The following LRRC4C variants were observed in gnomAD, a reference collection of about 807,000 sequenced individuals.
LRRC4C encodes the protein leucine rich repeat containing 4C, also known as leucine-rich repeat-containing protein 4C.
A neutral mutation model predicts 33.6 loss-of-function variants in LRRC4C; 5 were observed. That is an observed-to-expected ratio of 0.15 (90% CI 0.08 to 0.31). LRRC4C has a LOEUF of 0.31. Ranked by LOEUF, LRRC4C falls within the 10% of genes least tolerant of loss-of-function variation. The probability of loss-of-function intolerance (pLI) is 1.00; values close to 1 mark genes in which losing one functional copy is unlikely to be tolerated. For missense variants in LRRC4C, 560 were observed against 796.7 expected, an observed-to-expected ratio of 0.70 and a Z score of 3.58; for synonymous variants, 329 against 302.0, an observed-to-expected ratio of 1.09 and a Z score of -0.93.
In LRRC4C at chr11:40,596,774, T is replaced by G. The variant is rs566513441; in HGVS notation, c.-270+51368A>C. 7.5e-4 allele frequency among the ~76,000 whole-genome samples: 114 copies of G among 152,314 alleles called. 1 individual carries two copies. The highest frequency in any genetic ancestry group is 1.2e-3 in the South Asian group (6 of 4,832). On this transcript the variant is annotated intron_variant, in intron 3 of 6. Coordinates refer to ENST00000528697, the MANE Select transcript of LRRC4C (RefSeq NM_001258419.2). ...ATGTCCTCCAGTTTTATCCATGTGG[T>G]TGCAAATTACAAGATTTCATTTTAT...
At chr11:41,030,871 TTTCA>T (rs1180527540) in intron 1 of LRRC4C, among the ~76,000 whole-genome samples, 1 of 151,636 alleles carries the variant, frequency 6.6e-6, no homozygotes, top group Non-Finnish European at 1.5e-5. Flanking sequence ...ACTCTAAAAC[TTTCA>T]TTATATATGA....
At chr11:40,947,167 T>C (rs1958441434) in intron 1 of LRRC4C, among the ~76,000 whole-genome samples, 1 of 152,160 alleles carries the variant, frequency 6.6e-6, no homozygotes, top group African/African-American at 2.4e-5. Context: ...GAATTATACA[T>C]CTTAATCATG....
intron 1 of LRRC4C, among the ~76,000 whole-genome samples, chr11:41,003,397 T>C (rs61887626): frequency 0.067 from 10,211 of 152,182 alleles, 449 homozygotes; most frequent in Non-Finnish European, 0.099. Flanking sequence ...CAAGATAGTA[T>C]TCATATAAAG....
chr11:40,143,181 T>C (rs190566285), intron 5 of LRRC4C, among the ~76,000 whole-genome samples: 2 of 152,210 alleles, frequency 1.3e-5, no homozygotes, highest in African/African-American at 2.4e-5. Context: ...ACACATCTAT[T>C]GCTATGTCTT....
intron 1 of LRRC4C, among the ~76,000 whole-genome samples, chr11:41,303,550 C>G (rs1323108030): frequency 1.1e-5 from 1 of 91,146 alleles, no homozygotes; most frequent in Non-Finnish European, 2.2e-5. Flanking sequence ...GGCCGCCCAT[C>G]GTCTGGGATG....
At position 40,558,583 on chromosome 11, in the gene LRRC4C, C is replaced by T. The variant is rs555686726; in HGVS notation, c.-270+89559G>A. Among the ~76,000 whole-genome samples the T allele has an allele frequency of 5.9e-5, 9 of 152,270 alleles. No homozygotes were observed. The South Asian group carries it at 1.4e-3, about 25-fold the overall frequency. Reference sequence around the variant, plus strand: ...TTTGCTCTCTCACTTTGATTAATTCCGTCATTACCACATCACTCCTGCCCC... The same window carrying T: ...TTTGCTCTCTCACTTTGATTAATTCTGTCATTACCACATCACTCCTGCCCC... On this transcript the variant is annotated intron_variant, in intron 3 of 6. Transcript: ENST00000528697.
chr11:40,917,779 A>G (rs553832309), intron 2 of LRRC4C, among the ~76,000 whole-genome samples: 1 of 152,314 alleles, frequency 6.6e-6, no homozygotes, highest in South Asian at 2.1e-4. Context: ...CACCATTTAC[A>G]TAATATATAT....
At chr11:41,078,405 C>T (rs573941596) in intron 1 of LRRC4C, among the ~76,000 whole-genome samples, 12 of 152,198 alleles carry the variant, frequency 7.9e-5, no homozygotes, top group South Asian at 4.1e-4. Context: ...TAAAGAACTC[C>T]GTGATACTGG....
chr11:40,879,455 T>G lies in LRRC4C; in HGVS notation c.-407+54180A>C, dbSNP rs141703963. 1.4e-4 allele frequency among the ~76,000 whole-genome samples: 22 copies of G among 152,284 alleles called. No homozygotes were observed. The East Asian group carries it at 4.3e-3, about 29-fold the overall frequency. On this transcript the variant is annotated intron_variant, in intron 2 of 6. Coordinates refer to ENST00000528697, the MANE Select transcript of LRRC4C (RefSeq NM_001258419.2). ...CAGAAGGAATTTGAAAGGAAAGTTG[T>G]TCATCCTACAAATGCGTGAATATGT...
At chr11:41,426,796 A>C (rs140067335) in intron 1 of LRRC4C, among the ~76,000 whole-genome samples, 2,178 of 152,274 alleles carry the variant, frequency 0.014, 52 homozygotes, top group Admixed American at 0.055. Flanking sequence ...AACTAGAGTC[A>C]GCTAGACACT....
chr11:40,878,775 T>C (rs1423076248), intron 2 of LRRC4C, among the ~76,000 whole-genome samples: 2 of 152,244 alleles, frequency 1.3e-5, no homozygotes, highest in African/African-American at 4.8e-5. Flanking sequence ...TTAGCACTGC[T>C]GTGTGGTGTC....
At chr11:40,989,643 C>T (rs1344631433) in intron 1 of LRRC4C, among the ~76,000 whole-genome samples, 1 of 152,064 alleles carries the variant, frequency 6.6e-6, no homozygotes, top group South Asian at 2.1e-4. Flanking sequence ...TATTTTTACT[C>T]AGTTGTTGTA....
rs1337066785 is a variant in LRRC4C at position 40,271,904 on chromosome 11, GGT to G, written c.-175-30308_-175-30307del. The stretch of plus-strand genomic sequence containing the variant: ...GAACCAGAGTGAGCAGGCCACTTGT[GGT>G]ATCTCCCACTCATTCAGTTATTAAT... On this transcript the variant is annotated intron_variant, in intron 4 of 6. Transcript: ENST00000528697. Among the ~76,000 whole-genome samples, 3 of 152,012 alleles carry G rather than the reference GGT, an allele frequency of 2.0e-5. No individual in the cohort carries two copies. In the East Asian group the frequency reaches 5.8e-4, roughly 29 times the overall value.
chr11:40,854,516 T>C (rs1430267129), intron 2 of LRRC4C, among the ~76,000 whole-genome samples: 1 of 152,178 alleles, frequency 6.6e-6, no homozygotes, highest in Non-Finnish European at 1.5e-5. Context: ...ATACATAAAA[T>C]ATATCCTTCT....
At chr11:41,416,400 A>T (rs993500553) in intron 1 of LRRC4C, among the ~76,000 whole-genome samples, 1 of 152,062 alleles carries the variant, frequency 6.6e-6, no homozygotes, top group Non-Finnish European at 1.5e-5. Flanking sequence ...GGGTAAATGC[A>T]CAAAGTCCTA....
In LRRC4C at chr11:40,584,707, G is replaced by A. The variant is rs1958632248; in HGVS notation, c.-270+63435C>T. Among the ~76,000 whole-genome samples, 5 of 152,096 alleles carry A rather than the reference G, an allele frequency of 3.3e-5. No individual in the cohort carries two copies. In the South Asian group the frequency reaches 1.0e-3, roughly 32 times the overall value. ...AGAACTTTTGGAGGCCGAGGCGGGTGGATCAGCTGAGGTCAGGAGTTGAAG... is the reference window on the plus strand; with the variant it reads ...AGAACTTTTGGAGGCCGAGGCGGGTAGATCAGCTGAGGTCAGGAGTTGAAG... On this transcript the variant is annotated intron_variant, in intron 3 of 6. Transcript: ENST00000528697.
chr11:41,178,399 AG>A (rs1339896359), intron 1 of LRRC4C, among the ~76,000 whole-genome samples: 1 of 152,172 alleles, frequency 6.6e-6, no homozygotes, highest in Non-Finnish European at 1.5e-5. Flanking sequence ...TTTGACACCC[AG>A]GATGGCGTGA....
chr11:41,160,758 A>G lies in LRRC4C; in HGVS notation c.-495-227035T>C, dbSNP rs551932907. Among the ~76,000 whole-genome samples, 3 of 152,342 alleles carry G rather than the reference A, an allele frequency of 2.0e-5. No individual in the cohort carries two copies. The East Asian group carries it at 5.8e-4, about 29-fold the overall frequency. On this transcript the variant is annotated intron_variant, in intron 1 of 6. Coordinates refer to ENST00000528697, the MANE Select transcript of LRRC4C (RefSeq NM_001258419.2). ...AAAGGATACAGACACTCAAATGACT[A>G]TTGTACAATTTGCTTAGTGCTAAGG...
At chr11:40,153,533 C>CA (rs990261756) in intron 5 of LRRC4C, among the ~76,000 whole-genome samples, 2 of 150,344 alleles carry the variant, frequency 1.3e-5, no homozygotes, top group African/African-American at 2.4e-5. Flanking sequence ...CAAGGAAATA[C>CA]AAAAAATGAT....
Sources: allele counts gnomAD v4.1 joint callset (sites outside exome capture counted in the v4.1 genomes callset), GRCh38; gene constraint gnomAD v4.1.1; transcripts MANE v1.5; gene names NCBI Gene and HGNC (gene_info 2026-07-23, HGNC 2026-07-21).